Variants in GEMIN6 observed in about 807,000 individuals in gnomAD.
GEMIN6 encodes gem-associated protein 6.
Under a neutral mutation model 14.1 loss-of-function variants are expected in GEMIN6, and 13 were observed. The observed-to-expected ratio is 0.92, with a 90% confidence interval of 0.60 to 1.46. The LOEUF is 1.46. Among genes scored for constraint, GEMIN6 ranks in the 40% most tolerant of loss-of-function variants. The pLI is 0.00. For missense variants in GEMIN6, 271 were observed against 202.4 expected, an observed-to-expected ratio of 1.34 and a Z score of -2.06; for synonymous variants, 87 against 70.0, an observed-to-expected ratio of 1.24 and a Z score of -1.21.
Position 38,782,070 on chromosome 2 carries a change from G to T in GEMIN6, c.*178G>T, listed in dbSNP as rs891942943. 6 of 578,812 alleles carry T rather than the reference G, an allele frequency of 1.0e-5. No individual in the cohort carries two copies. Among genetic ancestry groups the T allele is most frequent in the African/African-American group, 1.9e-5 (1 of 53,146 alleles). The allele number at this position is 578,812 out of a possible 1,614,324, so 35.9% of individuals were successfully genotyped here. A position where few individuals can be genotyped will look rare whatever the true frequency, so the allele number is the denominator to read the frequency against. On this transcript the variant is annotated 3_prime_UTR_variant, in exon 3 of 3. Coordinates refer to ENST00000281950, the MANE Select transcript of GEMIN6 (RefSeq NM_024775.10). ...GTGCTAATTTCCTTGGGAAATTAAT[G>T]AACTAGGGCAAGTATAGCATCCCAT...
chr2:38,779,797 T>A (rs1159983427), intron 2 of GEMIN6, among the ~76,000 whole-genome samples: 1 of 145,132 alleles, frequency 6.9e-6, no homozygotes, highest in Non-Finnish European at 1.5e-5. Flanking sequence ...TTCTCATGCC[T>A]CAGCCTCCCC....
Position 38,784,990 on chromosome 2 carries a change from G to A in GEMIN6, c.*3098G>A, listed in dbSNP as rs1669170952. 1 of 152,116 alleles carries A rather than the reference G, an allele frequency of 6.6e-6. No individual in the cohort carries two copies. Among genetic ancestry groups the A allele is most frequent in the African/African-American group, 2.4e-5 (1 of 41,434 alleles). The allele number at this position is 152,116 out of a possible 1,614,324, so 9.4% of individuals were successfully genotyped here. On this transcript the variant is annotated 3_prime_UTR_variant, in exon 3 of 3. Transcript: ENST00000281950. ...AGAATACTTTTTAAAATAAAAGTCT[G>A]TTTCGACTTCCACTGTGTATTTTTT...
chr2:38,781,796 C>T lies in GEMIN6; in HGVS notation c.408C>T (p.Asp136=). 3 of 1,614,124 alleles carry T rather than the reference C, an allele frequency of 1.9e-6. No homozygotes were observed. Among genetic ancestry groups the T allele is most frequent in the Non-Finnish European group, 1.7e-6 (2 of 1,180,024 alleles). ...TLCVAGVLTI[D]PPYGPENCSS... ...GTGTGGCTGGGGTCCTGACTATAGA[C>T]CCACCATATGGTCCAGAAAATTGCA... Residue 136 remains aspartate, a synonymous_variant, in exon 3 of 3, where the codon GAC becomes GAT. Coordinates refer to ENST00000281950, the MANE Select transcript of GEMIN6 (RefSeq NM_024775.10).
chr2:38,781,406 T>G, intron 2 of GEMIN6, 111 bp from the exon 3 acceptor site: 2 of 1,111,240 alleles, frequency 1.8e-6, no homozygotes, highest in South Asian at 3.1e-5. Flanking sequence ...GTTGAATAAA[T>G]GGAAGCATTC....
rs1477986781 is a variant in GEMIN6 at position 38,782,369 on chromosome 2, G to A, written c.*477G>A. 2.0e-5 allele frequency: 3 copies of A among 152,560 alleles called. No individual in the cohort carries two copies. Among genetic ancestry groups the A allele is most frequent in the Admixed American group, 6.5e-5 (1 of 15,278 alleles). The allele number at this position is 152,560 out of a possible 1,614,324, so 9.5% of individuals were successfully genotyped here. A position where few individuals can be genotyped will look rare whatever the true frequency, so the allele number is the denominator to read the frequency against. Reference sequence around the variant, plus strand: ...TGTATGGGTCTTTTCTTGTGATGGGGTTACACCCCCATTTTTGTTAGGCAA... The same window carrying A: ...TGTATGGGTCTTTTCTTGTGATGGGATTACACCCCCATTTTTGTTAGGCAA... On this transcript the variant is annotated 3_prime_UTR_variant, in exon 3 of 3. Coordinates refer to ENST00000281950, the MANE Select transcript of GEMIN6 (RefSeq NM_024775.10).
intron 2 of GEMIN6, among the ~76,000 whole-genome samples, chr2:38,779,660 ATATATTTTTTTTT>A (rs1669035854): frequency 3.5e-5 from 1 of 28,232 alleles, no homozygotes; most frequent in Non-Finnish European, 6.9e-5. Flanking sequence ...ATATATATAT[ATATATTTTTTTTT>A]TTTTTTTTTT....
At position 38,784,926 on chromosome 2, in the gene GEMIN6, C is replaced by T. The variant is rs974869906; in HGVS notation, c.*3034C>T. 6.6e-6 allele frequency: 1 copy of T among 152,172 alleles called. No individual in the cohort carries two copies. The highest frequency in any genetic ancestry group is 1.5e-5 in the Non-Finnish European group (1 of 68,040). The allele number at this position is 152,172 out of a possible 1,614,324, so 9.4% of individuals were successfully genotyped here. On this transcript the variant is annotated 3_prime_UTR_variant, in exon 3 of 3. Coordinates refer to ENST00000281950, the MANE Select transcript of GEMIN6 (RefSeq NM_024775.10). ...AAAGCTGGTTGTATTTACTGCCAGTCCTGGGCTGTAGCCAGGGCAGTCTTT... is the reference window on the plus strand; with the variant it reads ...AAAGCTGGTTGTATTTACTGCCAGTTCTGGGCTGTAGCCAGGGCAGTCTTT...
Position 38,781,619 on chromosome 2 carries a change from A to T in GEMIN6, c.231A>T (p.Arg77Ser). The T allele has an allele frequency of 6.2e-7, 1 of 1,614,206 alleles. No homozygotes were observed. ...TVETMNEGDH[R>S]VREKLMHLFT... Reference sequence around the variant, plus strand: ...AAACTATGAATGAAGGGGACCATAGAGTGAGGGAGAAGCTGATGCATTTGT... The same window carrying T: ...AAACTATGAATGAAGGGGACCATAGTGTGAGGGAGAAGCTGATGCATTTGT... The change falls in exon 3 of 3, where the codon AGA (arginine) becomes AGT (serine). Residue 77 changes from arginine (R) to serine (S), a missense_variant. Coordinates refer to ENST00000281950, the MANE Select transcript of GEMIN6 (RefSeq NM_024775.10).
chr2:38,779,664 ATTTTTTTTTTTTTT>A lies in GEMIN6; in HGVS notation c.128+560_128+573del, dbSNP rs1166903482. On this transcript the variant is annotated intron_variant, in intron 2 of 2. Transcript: ENST00000281950. ...TATATATATATATATATATATATATATTTTTTTTTTTTTTTTTTTTTTTTTTTCGGGGGTGGGAT... is the reference window on the plus strand; with the variant it reads ...TATATATATATATATATATATATATATTTTTTTTTTTTTCGGGGGTGGGAT... Among the ~76,000 whole-genome samples, 154 of 20,760 alleles carry A rather than the reference ATTTTTTTTTTTTTT, an allele frequency of 7.4e-3. 1 individual carries two copies. The highest frequency in any genetic ancestry group is 0.028 in the African/African-American group (149 of 5,326). The allele number at this position is 20,760 out of a possible 152,430, so 13.6% of individuals were successfully genotyped here.
Position 38,783,555 on chromosome 2 carries a change from G to C in GEMIN6, c.*1663G>C, listed in dbSNP as rs1377452670. ...TTGCCCAGGCTTGTCTTCAACTCCT[G>C]GGTTCAAGTGATCCTTCCACCTTGG... On this transcript the variant is annotated 3_prime_UTR_variant, in exon 3 of 3. Coordinates refer to ENST00000281950, the MANE Select transcript of GEMIN6 (RefSeq NM_024775.10). The C allele has an allele frequency of 6.8e-6, 1 of 147,364 alleles. No individual in the cohort carries two copies. The highest frequency in any genetic ancestry group is 1.5e-5 in the Non-Finnish European group (1 of 67,512). The allele number at this position is 147,364 out of a possible 1,614,324, so 9.1% of individuals were successfully genotyped here. A position where few individuals can be genotyped will look rare whatever the true frequency, so the allele number is the denominator to read the frequency against.
intron 2 of GEMIN6, among the ~76,000 whole-genome samples, chr2:38,779,647 TATATATATATA>T (rs1669031806): frequency 3.4e-5 from 1 of 29,668 alleles, no homozygotes; most frequent in African/African-American, 8.5e-5. Flanking sequence ...TATATATATA[TATATATATATA>T]TATATATTTT....
chr2:38,780,122 T>C (rs891591700), intron 2 of GEMIN6, among the ~76,000 whole-genome samples: 1 of 150,542 alleles, frequency 6.6e-6, no homozygotes, highest in Non-Finnish European at 1.5e-5. Flanking sequence ...ATCGAGACCA[T>C]CCTGGCTAAC....
At position 38,782,094 on chromosome 2, in the gene GEMIN6, A is replaced by G. The variant is rs1261215888; in HGVS notation, c.*202A>G. On this transcript the variant is annotated 3_prime_UTR_variant, in exon 3 of 3. Coordinates refer to ENST00000281950, the MANE Select transcript of GEMIN6 (RefSeq NM_024775.10). ...TGAACTAGGGCAAGTATAGCATCCC[A>G]TGCATAAAATTAGCACAGGGACATC... 1 of 506,952 alleles carries G rather than the reference A, an allele frequency of 2.0e-6. No individual in the cohort carries two copies. The highest frequency in any genetic ancestry group is 2.0e-5 in the African/African-American group (1 of 51,042). The allele number at this position is 506,952 out of a possible 1,614,324, so 31.4% of individuals were successfully genotyped here.
In GEMIN6 at chr2:38,784,049, G is replaced by A. The variant is rs1669152993; in HGVS notation, c.*2157G>A. ...TTGCAGAAGCAGTTCAGAAACTTCA[G>A]GGGAACAGAAAGTTCCTCCCTCACG... is the stretch of plus-strand genomic sequence containing the variant. On this transcript the variant is annotated 3_prime_UTR_variant, in exon 3 of 3. Transcript: ENST00000281950. The A allele has an allele frequency of 6.6e-6, 1 of 152,166 alleles. No individual in the cohort carries two copies. The highest frequency in any genetic ancestry group is 1.5e-5 in the Non-Finnish European group (1 of 68,036). 9.4% of individuals were successfully genotyped at this position (152,166 alleles called of 1,614,324 possible). A position where few individuals can be genotyped will look rare whatever the true frequency, so the allele number is the denominator to read the frequency against.
rs557209697 is a variant in GEMIN6 at position 38,780,637 on chromosome 2, T to A, written c.129-880T>A. ...TAGGCGTGAGCCACCTCACCTGACCTTTTTTTTTTGAGATGGAGCCTTGCT... is the reference window on the plus strand; with the variant it reads ...TAGGCGTGAGCCACCTCACCTGACCATTTTTTTTTGAGATGGAGCCTTGCT... On this transcript the variant is annotated intron_variant, in intron 2 of 2. Transcript: ENST00000281950. 6.3e-5 allele frequency among the ~76,000 whole-genome samples: 9 copies of A among 142,368 alleles called. No individual in the cohort carries two copies. In the South Asian group the frequency reaches 2.0e-3, roughly 31 times the overall value. The allele number at this position is 142,368 out of a possible 152,430, so 93.4% of individuals were successfully genotyped here. A position where few individuals can be genotyped will look rare whatever the true frequency, so the allele number is the denominator to read the frequency against.
rs1572594374 is a variant in GEMIN6 at position 38,781,975 on chromosome 2, C to CTG, written c.*93_*94dup. 9.8e-6 allele frequency: 13 copies of CTG among 1,325,424 alleles called. No homozygotes were observed. The highest frequency in any genetic ancestry group is 2.8e-5 in the South Asian group (2 of 70,838). The allele number at this position is 1,325,424 out of a possible 1,614,324, so 82.1% of individuals were successfully genotyped here. On this transcript the variant is annotated 3_prime_UTR_variant, in exon 3 of 3. Transcript: ENST00000281950. Reference sequence around the variant, plus strand: ...ATGTTTTAAATGTAAATGTACATGACTGTGTGTGTGTATGTGTGTGTGTGT... The same window carrying CTG: ...ATGTTTTAAATGTAAATGTACATGACTGTGTGTGTGTGTATGTGTGTGTGTGT...
intron 2 of GEMIN6, among the ~76,000 whole-genome samples, chr2:38,780,625 C>G (rs1669058852): frequency 6.7e-6 from 1 of 149,954 alleles, no homozygotes; most frequent in African/African-American, 2.5e-5. Context: ...GCGTGAGCCA[C>G]CTCACCTGAC....
At chr2:38,780,384 A>G (rs1280498514) in intron 2 of GEMIN6, among the ~76,000 whole-genome samples, 2 of 149,914 alleles carry the variant, frequency 1.3e-5, no homozygotes, top group African/African-American at 4.9e-5. Context: ...TTTTTTTTTG[A>G]GATGGAGTCT....
At position 38,782,103 on chromosome 2, in the gene GEMIN6, A is replaced by G. The variant is rs1213148405; in HGVS notation, c.*211A>G. Reference sequence around the variant, plus strand: ...GCAAGTATAGCATCCCATGCATAAAATTAGCACAGGGACATCAGAATTGTA... The same window carrying G: ...GCAAGTATAGCATCCCATGCATAAAGTTAGCACAGGGACATCAGAATTGTA... On this transcript the variant is annotated 3_prime_UTR_variant, in exon 3 of 3. Transcript: ENST00000281950. The G allele has an allele frequency of 4.0e-6, 2 of 495,484 alleles. No homozygotes were observed. The highest frequency in any genetic ancestry group is 3.7e-5 in the Admixed American group (1 of 26,880). 30.7% of individuals were successfully genotyped at this position (495,484 alleles called of 1,614,324 possible).
Sources: gnomAD v4.1 joint callset for allele counts (sites outside exome capture counted in the v4.1 genomes callset) on GRCh38, gnomAD v4.1.1 for gene constraint, MANE v1.5 for transcripts, NCBI Gene and HGNC (gene_info 2026-07-23, HGNC 2026-07-21) for gene names.